The following CES5A variants were observed in gnomAD, a reference collection of about 807,000 sequenced individuals.
CES5A encodes carboxylesterase 5.
CES5A carries 67 observed loss-of-function variants against 62.9 expected under a neutral mutation model. The ratio of observed to expected loss-of-function variants is 1.07; its 90% CI spans 0.88 to 1.31. The LOEUF (loss-of-function observed/expected upper bound fraction) is 1.31, where lower values mean the gene tolerates loss of function less well. Among genes scored for constraint, CES5A ranks in the 50% most tolerant of loss-of-function variants. The pLI, the probability that CES5A is intolerant of heterozygous loss-of-function variation, is 0.00. For synonymous variants in CES5A, 296 were observed against 280.8 expected, an observed-to-expected ratio of 1.05 and a Z score of -0.54; for missense variants, 748 against 708.5, an observed-to-expected ratio of 1.06 and a Z score of -0.63.
At chr16:55,907,842 G>A (rs780340325) in intron 1 of CES5A, among the ~76,000 whole-genome samples, 7 of 152,146 alleles carry the variant, frequency 4.6e-5, no homozygotes, top group Admixed American at 2.0e-4. Context: ...ACTGATGAGC[G>A]GGTCTGTGGA....
intron 1 of CES5A, among the ~76,000 whole-genome samples, chr16:55,951,103 CAAAAAAAAAAAAAAAAA>C (rs55951124): frequency 2.3e-5 from 1 of 44,362 alleles, no homozygotes; most frequent in Non-Finnish European, 3.6e-5. Context: ...GACTCCATCT[CAAAAAAAAAAAAAAAAA>C]AAAAAAAAAA....
chr16:55,871,423 G>A lies in CES5A; in HGVS notation c.417+202C>T, dbSNP rs550305556. On this transcript the variant is annotated intron_variant, in intron 3 of 12. Coordinates refer to ENST00000290567, the MANE Select transcript of CES5A (RefSeq NM_001143685.2). ...AAACAAAATAAAAATTAAAAGTTAA[G>A]GCACTGCCAATAAAGAATCAATCAG... 1.3e-3 allele frequency among the ~76,000 whole-genome samples: 205 copies of A among 152,310 alleles called. 1 individual carries two copies. The highest frequency in any genetic ancestry group is 4.7e-3 in the African/African-American group (197 of 41,574).
chr16:55,935,787 G>GC (rs2034367755), intron 2 of CES5A, among the ~76,000 whole-genome samples: 1 of 148,374 alleles, frequency 6.7e-6, no homozygotes, highest in Non-Finnish European at 1.5e-5. Context: ...ATTCACTAAT[G>GC]CTTTTTTTTT....
At chr16:55,911,568 G>A (rs2034093162) in intron 1 of CES5A, among the ~76,000 whole-genome samples, 1 of 152,198 alleles carries the variant, frequency 6.6e-6, no homozygotes, top group Admixed American at 6.5e-5. Context: ...TGCAGATAAA[G>A]AGATGAAGGC....
At position 55,934,687 on chromosome 16, in the gene CES5A, C is replaced by T. The variant is rs546247707; in HGVS notation, c.160+15098G>A. Among the ~76,000 whole-genome samples, 9 of 151,338 alleles carry T rather than the reference C, an allele frequency of 5.9e-5. No homozygotes were observed. The East Asian group carries it at 1.6e-3, about 26-fold the overall frequency. ...GTGTGTGTGTGTGTGTGCGCGTGTG[C>T]ATGTGCACATGCATGCATGTGTGTC... On this transcript the variant is annotated intron_variant, in intron 2 of 13. Coordinates refer to the CES5A transcript ENST00000521992.
In CES5A at chr16:55,846,472, G is replaced by C; in HGVS notation, c.1707C>G (p.Phe569Leu). ...SLTFLSLLQP[F>L]FFFCAP is the part of the protein sequence containing the mutation. ...CTTCTCAAGGAGCACAAAAGAAAAA[G>C]AAAGGCTGGAGGAGAGAGAGGAAAG... Residue 569 changes from phenylalanine (F) to leucine (L), a missense_variant, in exon 13 of 13, where the codon TTC becomes TTG. Phe to Leu is a conservative substitution (Grantham distance 22). Coordinates refer to ENST00000290567, the MANE Select transcript of CES5A (RefSeq NM_001143685.2). The C allele has an allele frequency of 6.2e-7, 1 of 1,613,742 alleles. No homozygotes were observed. The highest frequency in any genetic ancestry group is 1.7e-5 in the Admixed American group (1 of 60,008).
At chr16:55,923,541 A>G (rs1466743280) in intron 1 of CES5A, among the ~76,000 whole-genome samples, 1 of 151,944 alleles carries the variant, frequency 6.6e-6, no homozygotes, top group Non-Finnish European at 1.5e-5. Context: ...CTCCCAACAA[A>G]GTAAAGCCCA....
At position 55,873,913 on chromosome 16, in the gene CES5A, C is replaced by T. The variant is rs113880150; in HGVS notation, c.198G>A (p.Pro66=). ...GGTTCGTAAATCGCAGGGATCCCAG[C>T]GGGGGAGCAGCAAAGGGGACTCCGA... ...VFLGVPFAAP[P]LGSLRFTNPQ... is the part of the protein sequence containing the mutation. Residue 66 remains proline, a synonymous_variant, in exon 2 of 13, where the codon CCG becomes CCA. Coordinates refer to ENST00000290567, the MANE Select transcript of CES5A (RefSeq NM_001143685.2). The T allele has an allele frequency of 1.1e-4, 178 of 1,613,848 alleles. No homozygotes were observed. In the East Asian group the frequency reaches 2.1e-3, roughly 19 times the overall value.
chr16:55,889,461 T>A lies in CES5A; in HGVS notation c.-255-15424A>T, dbSNP rs538500975. ...AATTTGCTAGAATGGCTCACAGAAC[T>A]CAAGTCAACACTTTACTCACTTATT... On this transcript the variant is annotated intron_variant, in intron 1 of 12. Transcript: ENST00000518005. Among the ~76,000 whole-genome samples the A allele has an allele frequency of 2.6e-5, 4 of 152,212 alleles. No homozygotes were observed. In the East Asian group the frequency reaches 5.8e-4, roughly 22 times the overall value.
In CES5A at chr16:55,846,447, C is replaced by T. The variant is rs1390036033; in HGVS notation, c.*4G>A. The T allele has an allele frequency of 1.2e-6, 2 of 1,609,212 alleles. No homozygotes were observed. Among genetic ancestry groups the T allele is most frequent in the African/African-American group, 1.3e-5 (1 of 74,696 alleles). ...GGAAACCAAAATCACAGAAAGATAA[C>T]TTCTCAAGGAGCACAAAAGAAAAAG... is the stretch of plus-strand genomic sequence containing the variant. On this transcript the variant is annotated 3_prime_UTR_variant, in exon 13 of 13. Coordinates refer to ENST00000290567, the MANE Select transcript of CES5A (RefSeq NM_001143685.2).
At chr16:55,902,568 C>G (rs1211467470) in intron 1 of CES5A, among the ~76,000 whole-genome samples, 1 of 152,146 alleles carries the variant, frequency 6.6e-6, no homozygotes, top group Non-Finnish European at 1.5e-5. Flanking sequence ...TGACCTACAT[C>G]CTGTGAAATC....
chr16:55,924,747 A>G (rs372694861), intron 1 of CES5A, among the ~76,000 whole-genome samples: 28 of 152,120 alleles, frequency 1.8e-4, no homozygotes, highest in African/African-American at 6.7e-4. Context: ...AACAGAGTAG[A>G]GAACACAGAT....
intron 1 of CES5A, among the ~76,000 whole-genome samples, chr16:55,892,510 C>G (rs1372540058): frequency 6.6e-6 from 1 of 152,084 alleles, no homozygotes; most frequent in African/African-American, 2.4e-5. Context: ...CACTGGTATG[C>G]AAGGTTTGTT....
intron 2 of CES5A, 60 bp downstream of exon 2, chr16:55,873,773 A>G (rs2033641863): frequency 6.9e-7 from 1 of 1,447,688 alleles, no homozygotes; most frequent in Non-Finnish European, 9.5e-7. Context: ...GGGCTGCATG[A>G]CCTGAATTCC....
At chr16:55,955,326 T>TC (rs1368698476) in intron 1 of CES5A, among the ~76,000 whole-genome samples, 1 of 151,988 alleles carries the variant, frequency 6.6e-6, no homozygotes, top group Admixed American at 6.6e-5. Flanking sequence ...CTGAAACTAA[T>TC]CCCCCCCATC....
chr16:55,897,585 C>A (rs192877184), intron 1 of CES5A, among the ~76,000 whole-genome samples: 136 of 152,256 alleles, frequency 8.9e-4, no homozygotes, highest in African/African-American at 3.1e-3. Context: ...CCCCAGAATA[C>A]CCAAATTTTC....
chr16:55,892,204 T>C (rs1193475939), intron 1 of CES5A, among the ~76,000 whole-genome samples: 1 of 152,140 alleles, frequency 6.6e-6, no homozygotes, highest in Non-Finnish European at 1.5e-5. Context: ...ACTCAACCAA[T>C]TGTGAACCAG....
At chr16:55,850,592 T>C (rs2033111001) in intron 10 of CES5A, among the ~76,000 whole-genome samples, 1 of 152,262 alleles carries the variant, frequency 6.6e-6, no homozygotes, top group Non-Finnish European at 1.5e-5. Flanking sequence ...TAATCCATTG[T>C]AAGTATATAC....
intron 2 of CES5A, among the ~76,000 whole-genome samples, chr16:55,946,360 A>G (rs1177896869): frequency 1.3e-5 from 2 of 152,140 alleles, no homozygotes; most frequent in Non-Finnish European, 2.9e-5. Context: ...GCCTTGTGAA[A>G]AAAAAATGGG....
Sources: gnomAD v4.1 joint callset for allele counts (sites outside exome capture counted in the v4.1 genomes callset) on GRCh38, gnomAD v4.1.1 for gene constraint, MANE v1.5 for transcripts, NCBI Gene and HGNC (gene_info 2026-07-23, HGNC 2026-07-21) for gene names.